The following PLEKHH2 variants were observed in gnomAD, a reference collection of about 807,000 sequenced individuals.
PLEKHH2 encodes pleckstrin homology, MyTH4 and FERM domain containing H2.
PLEKHH2 carries 129 observed loss-of-function variants against 187.9 expected under a neutral mutation model. The ratio of observed to expected loss-of-function variants is 0.69; its 90% confidence interval spans 0.59 to 0.79. The LOEUF (loss-of-function observed/expected upper bound fraction) is 0.79. Ranked by LOEUF, PLEKHH2 falls within the 30% of genes least tolerant of loss-of-function variation. The pLI is 0.00. For synonymous variants in PLEKHH2, 686 were observed against 605.6 expected, an observed-to-expected ratio of 1.13 and a Z score of -1.95; for missense variants, 2,076 against 1,751.2, an observed-to-expected ratio of 1.19 and a Z score of -3.31.
At chr2:43,676,305 C>T (rs1381950897) in intron 2 of PLEKHH2, 1 of 1,609,070 alleles carries the variant, frequency 6.2e-7, no homozygotes, top group South Asian at 1.1e-5. Flanking sequence ...AAAATGATGT[C>T]CCACTAGCGG....
chr2:43,718,188 G>A (rs950733603), intron 15 of PLEKHH2, among the ~76,000 whole-genome samples: 1 of 152,072 alleles, frequency 6.6e-6, no homozygotes, highest in African/African-American at 2.4e-5. Context: ...TTAAATTTTC[G>A]TGAGGATTCT....
chr2:43,727,848 T>C (rs994701095), intron 17 of PLEKHH2, among the ~76,000 whole-genome samples: 1 of 152,162 alleles, frequency 6.6e-6, no homozygotes, highest in Non-Finnish European at 1.5e-5. Context: ...ACCTCTCATA[T>C]GATTTGAAAA....
In PLEKHH2 at chr2:43,710,253, A is replaced by G. The variant is rs1669889396; in HGVS notation, c.2137A>G (p.Met713Val). ...PLEKSGYLLK[M>V]SGKVKSWKRR... Reference sequence around the variant, plus strand: ...GGAAAAATCTGGTTATTTATTAAAAATGAGTGGTAAAGTCAAGTCTTGGAA... The same window carrying G: ...GGAAAAATCTGGTTATTTATTAAAAGTGAGTGGTAAAGTCAAGTCTTGGAA... Residue 713 changes from methionine to valine, a missense_variant, in exon 13 of 30, where the codon ATG becomes GTG. By Grantham distance (21) the Met-to-Val change is conservative. Transcript: ENST00000282406. 2 of 1,614,076 alleles carry G rather than the reference A, an allele frequency of 1.2e-6. No individual in the cohort carries two copies. Among genetic ancestry groups the G allele is most frequent in the African/African-American group, 2.7e-5 (2 of 74,952 alleles).
chr2:43,674,360 T>C (rs1171343343), intron 2 of PLEKHH2, among the ~76,000 whole-genome samples: 1 of 152,216 alleles, frequency 6.6e-6, no homozygotes, highest in Non-Finnish European at 1.5e-5. Flanking sequence ...AATATAGTTA[T>C]ATTGTAGAAG....
At chr2:43,681,178 C>T (rs1473632849) in intron 3 of PLEKHH2, 17 of 690,152 alleles carry the variant, frequency 2.5e-5, no homozygotes, top group Non-Finnish European at 3.6e-5. Context: ...CCTTTTGGTC[C>T]ACCACTATTC....
chr2:43,644,724 T>C lies in PLEKHH2; in HGVS notation c.51T>C (p.Cys17=), dbSNP rs753256844. The change falls in exon 2 of 30, where the codon TGT becomes TGC. Residue 17 remains cysteine, a synonymous_variant. Coordinates refer to ENST00000282406, the MANE Select transcript of PLEKHH2 (RefSeq NM_172069.4). ...PEGPVDWKER[C]VALESQLMKF... ...GACCAGTAGATTGGAAGGAACGATG[T>C]GTAGCTCTGGAGTCCCAACTCATGA... 1 of 1,609,298 alleles carries C rather than the reference T, an allele frequency of 6.2e-7. No individual in the cohort carries two copies. The highest frequency in any genetic ancestry group is 1.7e-5 in the Admixed American group (1 of 59,820).
At chr2:43,764,140 C>A in intron 28 of PLEKHH2, 88 bp from the exon 29 acceptor site, 1 of 772,388 alleles carries the variant, frequency 1.3e-6, no homozygotes, top group Admixed American at 3.3e-5. Flanking sequence ...TAATATCTGC[C>A]TTTTAATGGA....
chr2:43,731,628 G>T (rs1671045135), intron 19 of PLEKHH2, 26 bp downstream of exon 19: 2 of 1,390,112 alleles, frequency 1.4e-6, no homozygotes, highest in South Asian at 2.6e-5. Flanking sequence ...GTTGTTAAAT[G>T]ATTTAAGGTA....
chr2:43,674,118 C>T (rs1667613879), intron 2 of PLEKHH2, among the ~76,000 whole-genome samples: 1 of 152,150 alleles, frequency 6.6e-6, no homozygotes, highest in Non-Finnish European at 1.5e-5. Flanking sequence ...TGTAGAAAGA[C>T]CTGTATTAGT....
chr2:43,659,871 T>C (rs1201506531), intron 2 of PLEKHH2, among the ~76,000 whole-genome samples: 1 of 152,194 alleles, frequency 6.6e-6, no homozygotes, highest in Admixed American at 6.5e-5. Flanking sequence ...CAAGGCACTT[T>C]TTAAAAATTT....
At chr2:43,703,801 A>G (rs553858362) in intron 8 of PLEKHH2, among the ~76,000 whole-genome samples, 180 bp from the exon 9 acceptor site, 1 of 152,322 alleles carries the variant, frequency 6.6e-6, no homozygotes, top group African/African-American at 2.4e-5. Context: ...AAATCTCAAC[A>G]GTACTATTCA....
At chr2:43,659,789 C>A (rs977272515) in intron 2 of PLEKHH2, among the ~76,000 whole-genome samples, 2 of 151,818 alleles carry the variant, frequency 1.3e-5, no homozygotes, top group African/African-American at 2.4e-5. Context: ...GAACTCCTGA[C>A]CTCAAGTGAT....
At chr2:43,729,546 T>C in intron 17 of PLEKHH2, 91 bp from the exon 18 acceptor site, 1 of 769,136 alleles carries the variant, frequency 1.3e-6, no homozygotes, top group Non-Finnish European at 1.9e-6. Flanking sequence ...TTCATTTCCA[T>C]CTCAAAGTTT....
chr2:43,686,462 G>T (rs1403032013), intron 3 of PLEKHH2, among the ~76,000 whole-genome samples: 1 of 152,200 alleles, frequency 6.6e-6, no homozygotes, highest in Non-Finnish European at 1.5e-5. Flanking sequence ...CTCCCAAAGT[G>T]TTGGGATTTC....
At chr2:43,739,834 T>A (rs1428148747) in intron 20 of PLEKHH2, among the ~76,000 whole-genome samples, 1 of 152,224 alleles carries the variant, frequency 6.6e-6, no homozygotes. Flanking sequence ...TCCCTCCTCT[T>A]CCTTCCCTTC....
At chr2:43,743,812 C>T in intron 22 of PLEKHH2, 22 bp from the exon 23 acceptor site, 1 of 1,593,100 alleles carries the variant, frequency 6.3e-7, no homozygotes, top group Non-Finnish European at 8.6e-7. Flanking sequence ...ATTAAGAGAA[C>T]TGCTTTGTTA....
Position 43,741,020 on chromosome 2 carries a change from C to T in PLEKHH2, c.3198C>T (p.His1066=). The change falls in exon 21 of 30, where the codon CAC becomes CAT. Residue 1066 remains histidine, a synonymous_variant. Coordinates refer to ENST00000282406, the MANE Select transcript of PLEKHH2 (RefSeq NM_172069.4). ...HHPFLWLLRL[H]LKRNADSRTE... ...CTTTCCTGTGGCTCCTCAGGCTTCA[C>T]CTAAAGAGGAATGCAGATTCCAGGT... The T allele has an allele frequency of 1.2e-6, 2 of 1,613,460 alleles. No homozygotes were observed. The highest frequency in any genetic ancestry group is 1.7e-6 in the Non-Finnish European group (2 of 1,179,604).
At position 43,695,197 on chromosome 2, in the gene PLEKHH2, A is replaced by T. The variant is rs533305612; in HGVS notation, c.475A>T (p.Ile159Leu). 1.0e-5 allele frequency: 16 copies of T among 1,595,874 alleles called. No homozygotes were observed. In the African/African-American group the frequency reaches 1.6e-4, roughly 16 times the overall value. ...GATCAACCAAAACCAAACTGAAGAG[A>T]TAAGAACAATGCAGTCAAAACTACA... ...RLINQNQTEE[I>L]RTMQSKLQEV... Residue 159 changes from isoleucine to leucine, a missense_variant, in exon 6 of 30, where the codon ATA becomes TTA. Ile to Leu is a conservative substitution (Grantham distance 5, BLOSUM62 2). Coordinates refer to ENST00000282406, the MANE Select transcript of PLEKHH2 (RefSeq NM_172069.4).
At chr2:43,729,769 A>G in intron 18 of PLEKHH2, 24 bp downstream of exon 18, 1 of 1,502,490 alleles carries the variant, frequency 6.7e-7, no homozygotes, top group Non-Finnish European at 9.1e-7. Context: ...CATATAAATA[A>G]AGCTTTATGG....
Sources: gnomAD v4.1 joint callset for allele counts (sites outside exome capture counted in the v4.1 genomes callset) on GRCh38, gnomAD v4.1.1 for gene constraint, MANE v1.5 for transcripts, NCBI Gene and HGNC (gene_info 2026-07-23, HGNC 2026-07-21) for gene names.